RFPL1: variants seen among roughly 807,000 people sequenced by gnomAD.
RFPL1 encodes the protein ret finger protein like 1.
RFPL1 carries 6 observed loss-of-function variants against 9.6 expected under a neutral mutation model. That is an observed-to-expected ratio of 0.62 (90% CI 0.34 to 1.23). The LOEUF is 1.23. Ranked by LOEUF, RFPL1 falls within the 50% of genes most tolerant of loss-of-function variation. The pLI, the probability that RFPL1 is intolerant of heterozygous loss-of-function variation, is 0.03. For synonymous variants in RFPL1, 145 were observed against 149.4 expected (o/e 0.97, Z 0.22); for missense variants, 352 against 398.4 (o/e 0.88, Z 0.99).
At chr22:29,422,509 A>C in the RFPL1 span, among the ~76,000 whole-genome samples, 1 of 152,222 alleles carries the variant, frequency 6.6e-6, no homozygotes, top group African/African-American at 2.4e-5. Flanking sequence ...CCCAGGAGGC[A>C]GAGGTTGCAG....
chr22:29,418,494 T>G, the RFPL1 span, among the ~76,000 whole-genome samples: 1 of 148,940 alleles, frequency 6.7e-6, no homozygotes, highest in Admixed American at 6.7e-5. Flanking sequence ...CTTCTTCGTC[T>G]TCTTTTTTTT....
At chr22:29,424,609 C>T in the RFPL1 span, among the ~76,000 whole-genome samples, 5 of 150,952 alleles carry the variant, frequency 3.3e-5, no homozygotes, top group Admixed American at 1.3e-4. Flanking sequence ...TTCTGCTTCC[C>T]GCTTCTGAAA....
At chr22:29,399,107 C>T in the RFPL1 span, among the ~76,000 whole-genome samples, 1 of 152,102 alleles carries the variant, frequency 6.6e-6, no homozygotes, top group Non-Finnish European at 1.5e-5. Flanking sequence ...TTCAGACTCA[C>T]CAATAAATAA....
At chr22:29,399,006 G>A in the RFPL1 span, among the ~76,000 whole-genome samples, 2 of 152,130 alleles carry the variant, frequency 1.3e-5, no homozygotes, top group Non-Finnish European at 2.9e-5. Context: ...TGGTCAAAGC[G>A]ACCTCCAGAA....
chr22:29,404,016 A>G, the RFPL1 span, among the ~76,000 whole-genome samples: 1 of 152,046 alleles, frequency 6.6e-6, no homozygotes, highest in Non-Finnish European at 1.5e-5. Flanking sequence ...AATAACTGAA[A>G]TGTCTAGTAA....
the RFPL1 span, among the ~76,000 whole-genome samples, chr22:29,429,264 C>T: frequency 8.5e-5 from 13 of 152,170 alleles, no homozygotes; most frequent in East Asian, 1.9e-4. Context: ...CTATGTTGCC[C>T]GGGCTGGTCC....
Position 29,438,604 on chromosome 22 carries a change from C to T in RFPL1, c.-188C>T, listed in dbSNP as rs575313206. The T allele has an allele frequency of 7.7e-6, 11 of 1,433,450 alleles. No individual in the cohort carries two copies. The Admixed American group carries it at 1.4e-4, about 18-fold the overall frequency. 88.8% of individuals were successfully genotyped at this position (1,433,450 alleles called of 1,614,324 possible). ...TGCTGCCGTGTCACTGGCTCAGGCT[C>T]AGTTGCTGGGTCACCAGTAGAATGG... On this transcript the variant is annotated 5_prime_UTR_variant, in exon 1 of 2. Coordinates refer to ENST00000354373, the Ensembl canonical transcript of RFPL1.
chr22:29,415,221 G>C, the RFPL1 span, among the ~76,000 whole-genome samples: 1 of 150,782 alleles, frequency 6.6e-6, no homozygotes, highest in Non-Finnish European at 1.5e-5. Flanking sequence ...ATAAAGGCAC[G>C]CCCGTTTGCC....
In RFPL1 at chr22:29,441,536, T is replaced by A. The variant is rs2062838749; in HGVS notation, c.374-6T>A. 1 of 1,605,824 alleles carries A rather than the reference T, an allele frequency of 6.2e-7. No homozygotes were observed. Among genetic ancestry groups the A allele is most frequent in the Admixed American group, 1.7e-5 (1 of 59,236 alleles). On this transcript the variant is annotated splice_polypyrimidine_tract_variant and splice_region_variant and intron_variant, in intron 1 of 1. Transcript: ENST00000354373. The stretch of plus-strand genomic sequence containing the variant: ...TTTTCTGATCAACTTTTTTTCCTTT[T>A]CACAGTGGATATGACCTTGGATGCC...
At chr22:29,423,185 G>C in the RFPL1 span, 31 of 1,326,216 alleles carry the variant, frequency 2.3e-5, no homozygotes, top group South Asian at 4.8e-5. Context: ...CTGTAGCCAG[G>C]CTTCTGCAAG....
chr22:29,439,661 T>C (rs1033820570), intron 1 of RFPL1: 1 of 157,818 alleles, frequency 6.3e-6, no homozygotes, highest in Non-Finnish European at 1.4e-5. Flanking sequence ...GTCTATGTCA[T>C]GGGTTAGACA....
chr22:29,392,258 G>A, the RFPL1 span, among the ~76,000 whole-genome samples: 1 of 151,160 alleles, frequency 6.6e-6, no homozygotes, highest in African/African-American at 2.4e-5. Flanking sequence ...TTTTGTATTT[G>A]TAGTGGAGAT....
intron 1 of RFPL1, chr22:29,439,371 T>C (rs1323206702): frequency 3.6e-5 from 27 of 751,078 alleles, no homozygotes; most frequent in Admixed American, 2.7e-4. Context: ...TGGTGGCTCA[T>C]GCCTGTAATG....
the RFPL1 span, among the ~76,000 whole-genome samples, chr22:29,410,050 G>A: frequency 1.5e-3 from 229 of 151,444 alleles, 1 homozygote; most frequent in African/African-American, 5.1e-3. Context: ...TGCTTCATTC[G>A]GGGGGCCAGT....
chr22:29,391,185 T>G, the RFPL1 span, among the ~76,000 whole-genome samples: 1 of 151,946 alleles, frequency 6.6e-6, no homozygotes, highest in African/African-American at 2.4e-5. Context: ...CAAATGGAAT[T>G]TTTTTTTCTT....
chr22:29,433,623 C>G (rs60003242), upstream of RFPL1: 2,028 of 152,888 alleles, frequency 0.013, 52 homozygotes, highest in African/African-American at 0.047. Context: ...TCAAAAGGCT[C>G]TCCATTAAAT....
chr22:29,389,531 A>C, the RFPL1 span, among the ~76,000 whole-genome samples: 1 of 149,982 alleles, frequency 6.7e-6, no homozygotes, highest in African/African-American at 2.5e-5. Flanking sequence ...CTAAAAACAC[A>C]AAATATTAGC....
intron 1 of RFPL1, chr22:29,440,560 C>A (rs746123778): frequency 6.6e-6 from 1 of 152,004 alleles, no homozygotes; most frequent in Non-Finnish European, 1.5e-5. Context: ...TCAGTTATGA[C>A]GAACAACTTT....
At chr22:29,431,136 A>G in the RFPL1 span, among the ~76,000 whole-genome samples, 7 of 152,142 alleles carry the variant, frequency 4.6e-5, no homozygotes, top group Admixed American at 2.0e-4. Flanking sequence ...GGTGGAAGCT[A>G]CTGGAGGCCA....
Sources: gnomAD v4.1 joint callset for allele counts (sites outside exome capture counted in the v4.1 genomes callset) on GRCh38, gnomAD v4.1.1 for gene constraint, MANE v1.5 for transcripts, NCBI Gene and HGNC (gene_info 2026-07-23, HGNC 2026-07-21) for gene names.